Variants in CLVS2 observed in about 807,000 individuals in gnomAD.
CLVS2 encodes the protein clavesin 2, also known as clavesin-2.
A neutral mutation model predicts 29.0 loss-of-function variants in CLVS2; 19 were observed. That is an observed-to-expected ratio of 0.66 (90% CI 0.46 to 0.96). The LOEUF (loss-of-function observed/expected upper bound fraction) is 0.96, where lower values mean the gene tolerates loss of function less well. CLVS2 is among the 40% of genes least tolerant of loss of function. The pLI, the probability that CLVS2 is intolerant of heterozygous loss-of-function variation, is 0.00. For synonymous variants in CLVS2, 161 were observed against 151.3 expected, an observed-to-expected ratio of 1.06 and a Z score of -0.47; for missense variants, 294 against 404.1, an observed-to-expected ratio of 0.73 and a Z score of 2.34.
intron 4 of CLVS2, among the ~76,000 whole-genome samples, chr6:123,049,984 G>A (rs1349306259): frequency 6.6e-6 from 1 of 152,048 alleles, no homozygotes; most frequent in African/African-American, 2.4e-5. Context: ...TCTATATCAA[G>A]CATTAATGAA....
chr6:123,058,550 C>A (rs2114366594), intron 5 of CLVS2, among the ~76,000 whole-genome samples: 1 of 152,342 alleles, frequency 6.6e-6, no homozygotes, highest in African/African-American at 2.4e-5. Context: ...TTGATTCCAG[C>A]CTTACCTGCT....
chr6:123,031,168 G>T (rs932541814), intron 3 of CLVS2, among the ~76,000 whole-genome samples: 1 of 151,810 alleles, frequency 6.6e-6, no homozygotes, highest in Non-Finnish European at 1.5e-5. Context: ...ACAGGGTTTC[G>T]CCATGTTGCC....
intron 3 of CLVS2, among the ~76,000 whole-genome samples, chr6:123,024,365 A>G (rs924381447): frequency 6.6e-6 from 1 of 152,134 alleles, no homozygotes; most frequent in Non-Finnish European, 1.5e-5. Context: ...AATATTTTCT[A>G]CTGAAACCAC....
intron 4 of CLVS2, among the ~76,000 whole-genome samples, chr6:123,054,048 G>A (rs1772655210): frequency 1.3e-5 from 2 of 152,090 alleles, no homozygotes; most frequent in South Asian, 4.1e-4. Context: ...TGCGGAAGGA[G>A]GCAACAGAGT....
chr6:123,016,219 T>G (rs1356087796), intron 3 of CLVS2, among the ~76,000 whole-genome samples: 2 of 151,132 alleles, frequency 1.3e-5, no homozygotes, highest in African/African-American at 4.9e-5. Flanking sequence ...AATACAAGAT[T>G]AAGTGAATGT....
chr6:123,057,671 T>C (rs1772713862), intron 5 of CLVS2, among the ~76,000 whole-genome samples: 1 of 152,084 alleles, frequency 6.6e-6, no homozygotes, highest in South Asian at 2.1e-4. Context: ...CTGCTGCCTC[T>C]GTTGTGATTG....
chr6:123,022,855 T>C (rs1774943780), intron 3 of CLVS2, among the ~76,000 whole-genome samples: 1 of 152,046 alleles, frequency 6.6e-6, no homozygotes. Flanking sequence ...AGAAAGCACA[T>C]TCTGCCTCAC....
chr6:123,053,450 T>G (rs1018734260), intron 4 of CLVS2, among the ~76,000 whole-genome samples: 3 of 152,028 alleles, frequency 2.0e-5, no homozygotes, highest in African/African-American at 7.2e-5. Context: ...ATGAAGAAAA[T>G]GTTTCAATAA....
rs1288045167 is a variant in CLVS2 at position 123,048,609 on chromosome 6, C to T, written c.565-13C>T. 1.9e-6 allele frequency: 3 copies of T among 1,570,030 alleles called. No homozygotes were observed. Among genetic ancestry groups the T allele is most frequent in the African/African-American group, 1.4e-5 (1 of 73,762 alleles). On this transcript the variant is annotated splice_polypyrimidine_tract_variant and intron_variant, in intron 3 of 5. Coordinates refer to ENST00000275162, the MANE Select transcript of CLVS2 (RefSeq NM_001010852.4). Reference sequence around the variant, plus strand: ...AGCATATTTTGATTGTTTTTTTCTCCATGTTACTCTAGGATAGTTTCCCAG... The same window carrying T: ...AGCATATTTTGATTGTTTTTTTCTCTATGTTACTCTAGGATAGTTTCCCAG...
chr6:123,063,541 A>G (rs1772809605), intron 5 of CLVS2, 133 bp from the exon 6 acceptor site: 2 of 589,996 alleles, frequency 3.4e-6, no homozygotes, highest in East Asian at 2.8e-5. Context: ...TGCAACATCC[A>G]CAATTCATAA....
rs992111904 is a variant in CLVS2, at chr6:123,065,282, A to G, written c.*1521A>G. The G allele has an allele frequency of 3.3e-5, 5 of 151,902 alleles. No individual in the cohort carries two copies. Among genetic ancestry groups the G allele is most frequent in the African/African-American group, 4.8e-5 (2 of 41,422 alleles). 9.4% of individuals were successfully genotyped at this position (151,902 alleles called of 1,614,324 possible). ...ATTTTGAGATTGAGAGTTTACCATT[A>G]AAGTATTCTTTTGGAAGAAAAATAT... On this transcript the variant is annotated 3_prime_UTR_variant, in exon 6 of 6. Transcript: ENST00000275162.
chr6:123,039,234 T>C (rs1258243651), intron 3 of CLVS2, among the ~76,000 whole-genome samples: 1 of 152,190 alleles, frequency 6.6e-6, no homozygotes, highest in Non-Finnish European at 1.5e-5. Context: ...ATGTGTGTTA[T>C]CTAAAGTAGC....
At position 123,004,955 on chromosome 6, in the gene CLVS2, A is replaced by C. The variant is rs570409368; in HGVS notation, c.390-6030A>C. On this transcript the variant is annotated intron_variant, in intron 2 of 5. Coordinates refer to ENST00000275162, the MANE Select transcript of CLVS2 (RefSeq NM_001010852.4). ...ACAAAAACAAAAACAAAAAACAAAA[A>C]AAAAAAAAACCAATTATCTATTCAT... Among the ~76,000 whole-genome samples, 115 of 56,640 alleles carry C rather than the reference A, an allele frequency of 2.0e-3. 1 individual carries two copies. The highest frequency in any genetic ancestry group is 0.02 in the Middle Eastern group (2 of 100). 37.2% of individuals were successfully genotyped at this position (56,640 alleles called of 152,430 possible). A position where few individuals can be genotyped will look rare whatever the true frequency, so the allele number is the denominator to read the frequency against.
intron 4 of CLVS2, among the ~76,000 whole-genome samples, chr6:123,051,063 A>G (rs1772603217): frequency 6.6e-6 from 1 of 152,176 alleles, no homozygotes; most frequent in Non-Finnish European, 1.5e-5. Flanking sequence ...TATATAATCA[A>G]TACACAGTGC....
At chr6:123,035,054 C>A (rs967036792) in intron 3 of CLVS2, among the ~76,000 whole-genome samples, 8 of 152,206 alleles carry the variant, frequency 5.3e-5, no homozygotes, top group African/African-American at 1.9e-4. Context: ...TTTATTATAT[C>A]TTTTGAAGAA....
chr6:123,051,696 A>C (rs537698293), intron 4 of CLVS2, among the ~76,000 whole-genome samples: 2 of 152,172 alleles, frequency 1.3e-5, no homozygotes, highest in Admixed American at 6.5e-5. Context: ...TTTTCACTCC[A>C]GATCACTTAG....
chr6:122,999,382 A>G (rs1341264154), intron 2 of CLVS2, among the ~76,000 whole-genome samples: 1 of 152,128 alleles, frequency 6.6e-6, no homozygotes, highest in Non-Finnish European at 1.5e-5. Context: ...TAGGTTGACA[A>G]TCACTCCAAT....
rs1774530966 is a variant in CLVS2 at position 122,997,688 on chromosome 6, G to A, written c.-90G>A. On this transcript the variant is annotated 5_prime_UTR_variant, in exon 2 of 6. Coordinates refer to ENST00000275162, the MANE Select transcript of CLVS2 (RefSeq NM_001010852.4). ...GAGGAAGCAGGCAGCAGGAGGTCTGGGGGCTGGAGTCTGGTGGTGGCAAGG... is the reference window on the plus strand; with the variant it reads ...GAGGAAGCAGGCAGCAGGAGGTCTGAGGGCTGGAGTCTGGTGGTGGCAAGG... The A allele has an allele frequency of 2.3e-6, 3 of 1,312,066 alleles. No individual in the cohort carries two copies. In the South Asian group the frequency reaches 4.1e-5, roughly 18 times the overall value. 81.3% of individuals were successfully genotyped at this position (1,312,066 alleles called of 1,614,324 possible). A position where few individuals can be genotyped will look rare whatever the true frequency, so the allele number is the denominator to read the frequency against.
rs1250511232 is a variant in CLVS2 at position 123,068,889 on chromosome 6, T to A, written c.*5128T>A. On this transcript the variant is annotated 3_prime_UTR_variant, in exon 6 of 6. Coordinates refer to ENST00000275162, the MANE Select transcript of CLVS2 (RefSeq NM_001010852.4). ...TATTTTGTATATTTTATATTTTAAA[T>A]GTATACATTTATTTTGCACATTGTT... 1 of 151,738 alleles carries A rather than the reference T, an allele frequency of 6.6e-6. No homozygotes were observed. Among genetic ancestry groups the A allele is most frequent in the African/African-American group, 2.4e-5 (1 of 41,418 alleles). The allele number at this position is 151,738 out of a possible 1,614,324, so 9.4% of individuals were successfully genotyped here.
Sources: gnomAD v4.1 joint callset for allele counts (sites outside exome capture counted in the v4.1 genomes callset) on GRCh38, gnomAD v4.1.1 for gene constraint, MANE v1.5 for transcripts, NCBI Gene and HGNC (gene_info 2026-07-23, HGNC 2026-07-21) for gene names.